SLC39A13: variants seen among roughly 807,000 people sequenced by gnomAD.
SLC39A13 encodes zinc transporter ZIP13.
Under a neutral mutation model 38.7 loss-of-function variants are expected in SLC39A13, and 18 were observed. The observed-to-expected ratio is 0.47, with a 90% CI of 0.32 to 0.69. SLC39A13 has a LOEUF of 0.69. SLC39A13 is among the 30% of genes least tolerant of loss of function. SLC39A13 has a pLI of 0.03. For synonymous variants in SLC39A13, 212 were observed against 219.1 expected (o/e 0.97, Z 0.29); for missense variants, 395 against 490.7 (o/e 0.80, Z 1.84).
chr11:47,414,348 C>G, intron 6 of SLC39A13, 77 bp from the exon 7 acceptor site: 1 of 1,512,774 alleles, frequency 6.6e-7, no homozygotes, highest in Non-Finnish European at 9.0e-7. Context: ...GCAGAGTAAA[C>G]CTCTGTGGAA....
In SLC39A13 at chr11:47,411,919, C is replaced by T; in HGVS notation, c.302-7C>T. On this transcript the variant is annotated splice_polypyrimidine_tract_variant and splice_region_variant and intron_variant, in intron 2 of 9. Coordinates refer to ENST00000362021, the MANE Select transcript of SLC39A13 (RefSeq NM_001128225.3). ...CAGCCCCCAGACCCCGCATCTCTCC[C>T]TTGTAGCTGGGGCCTGGCGCCTGAA... The T allele has an allele frequency of 6.2e-7, 1 of 1,611,894 alleles. No homozygotes were observed. Among genetic ancestry groups the T allele is most frequent in the Non-Finnish European group, 8.5e-7 (1 of 1,179,148 alleles).
At chr11:47,412,194 C>A (rs1196324619) in intron 3 of SLC39A13, 152 bp from the exon 4 acceptor site, 4 of 1,299,542 alleles carry the variant, frequency 3.1e-6, no homozygotes, top group Non-Finnish European at 4.3e-6. Flanking sequence ...GGTCTCTGGG[C>A]CCTGGTCCCA....
In SLC39A13 at chr11:47,410,233, C is replaced by G. The variant is rs766701277; in HGVS notation, c.139C>G (p.Arg47Gly). 27 of 1,613,976 alleles carry G rather than the reference C, an allele frequency of 1.7e-5. No homozygotes were observed. Among genetic ancestry groups the G allele is most frequent in the Non-Finnish European group, 2.2e-5 (26 of 1,180,034 alleles). ...LRSRGTATAC[R>G]LDNKESESWG... ...GAGCCGGGGGACTGCGACGGCCTGT[C>G]GCCTGGACAACAAGGAAAGCGAGTC... Residue 47 changes from arginine (R) to glycine (G), a missense_variant, in exon 2 of 10, where the codon CGC becomes GGC. By Grantham distance (125) the Arg-to-Gly change is moderately radical (BLOSUM62 -2). Transcript: ENST00000362021.
chr11:47,413,101 A>G (rs890431949), intron 4 of SLC39A13, among the ~76,000 whole-genome samples: 1 of 151,872 alleles, frequency 6.6e-6, no homozygotes, highest in Non-Finnish European at 1.5e-5. Context: ...GGCTCACTAC[A>G]GCTTTCACCT....
chr11:47,407,530 C>T (rs961740940), upstream of SLC39A13: 2 of 152,196 alleles, frequency 1.3e-5, no homozygotes, highest in African/African-American at 4.8e-5. Context: ...CTATCTCTGC[C>T]CAAGTGAGTA....
intron 2 of SLC39A13, among the ~76,000 whole-genome samples, chr11:47,411,063 T>C (rs887831532): frequency 2.0e-5 from 3 of 152,206 alleles, no homozygotes; most frequent in Non-Finnish European, 2.9e-5. Flanking sequence ...AGAGGTTCTT[T>C]GACCAGTCCA....
Position 47,415,054 on chromosome 11 carries a change from C to T in SLC39A13, c.935C>T (p.Ala312Val). 1 of 1,613,536 alleles carries T rather than the reference C, an allele frequency of 6.2e-7. No individual in the cohort carries two copies. Among genetic ancestry groups the T allele is most frequent in the Non-Finnish European group, 8.5e-7 (1 of 1,179,762 alleles). Residue 312 changes from alanine (A) to valine (V), a missense_variant, in exon 9 of 10, where the codon GCT becomes GTT. By Grantham distance (64) the Ala-to-Val change is moderately conservative. Transcript: ENST00000362021. ...GGGTACCCAGTTGGGTGTTCTCCCG[C>T]TGCAGAGGAGACGGCAGCCTGGGTC... ...SPKGVVGCSPAAEETAAWVLP... is the reference protein window; with the variant it reads ...SPKGVVGCSPVAEETAAWVLP...
chr11:47,415,517 T>A lies in SLC39A13; in HGVS notation c.*154T>A. 1.2e-6 allele frequency: 1 copy of A among 836,812 alleles called. No homozygotes were observed. The highest frequency in any genetic ancestry group is 2.0e-6 in the Non-Finnish European group (1 of 505,866). The allele number at this position is 836,812 out of a possible 1,614,324, so 51.8% of individuals were successfully genotyped here. ...GGGAGGTGCGTGTGGATGTATGTGG[T>A]GTGCACATGTGGCCAGAGGTGTGTG... On this transcript the variant is annotated 3_prime_UTR_variant, in exon 10 of 10. Coordinates refer to ENST00000362021, the MANE Select transcript of SLC39A13 (RefSeq NM_001128225.3).
rs201203848 is a variant in SLC39A13, at chr11:47,414,506, C to T, written c.786+31C>T. The T allele has an allele frequency of 2.5e-4, 407 of 1,607,964 alleles. 1 individual carries two copies. The highest frequency in any genetic ancestry group is 2.6e-4 in the Non-Finnish European group (306 of 1,177,010). ...CGCTTGTAGGGCAGCCCCCAGGGGCCCAGGCCCCCACAGTGCCCATGATCA... is the reference window on the plus strand; with the variant it reads ...CGCTTGTAGGGCAGCCCCCAGGGGCTCAGGCCCCCACAGTGCCCATGATCA... On this transcript the variant is annotated intron_variant, in intron 7 of 9. Coordinates refer to ENST00000362021, the MANE Select transcript of SLC39A13 (RefSeq NM_001128225.3).
Position 47,415,444 on chromosome 11 carries a change from G to T in SLC39A13, c.*81G>T. 6.6e-7 allele frequency: 1 copy of T among 1,508,092 alleles called. No homozygotes were observed. 93.4% of individuals were successfully genotyped at this position (1,508,092 alleles called of 1,614,324 possible). On this transcript the variant is annotated 3_prime_UTR_variant, in exon 10 of 10. Coordinates refer to ENST00000362021, the MANE Select transcript of SLC39A13 (RefSeq NM_001128225.3). ...TCTGTGACCGCATATGTGAGAGGCA[G>T]AGAGGGCGAGTGGCTGCGAGAGAGA...
Position 47,415,021 on chromosome 11 carries a change from A to G in SLC39A13, c.920-18A>G. 6.2e-7 allele frequency: 1 copy of G among 1,612,962 alleles called. No homozygotes were observed. The highest frequency in any genetic ancestry group is 2.2e-5 in the East Asian group (1 of 44,846). On this transcript the variant is annotated intron_variant, in intron 8 of 9. Transcript: ENST00000362021. ...GGCCCGGGAGGTGGGGAGCACACAC[A>G]GTGCCTTGGGTACCCAGTTGGGTGT...
Position 47,415,874 on chromosome 11 carries a change from C to T in SLC39A13, c.*511C>T. On this transcript the variant is annotated 3_prime_UTR_variant, in exon 10 of 10. Transcript: ENST00000362021. ...GGCCCTTCCTTCCCCACTTCTAAGC[C>T]AAAGAAAGGAGAGGCAGGTGCTCCT... 1 of 228,162 alleles carries T rather than the reference C, an allele frequency of 4.4e-6. No homozygotes were observed. Among genetic ancestry groups the T allele is most frequent in the Non-Finnish European group, 8.8e-6 (1 of 113,142 alleles). 14.1% of individuals were successfully genotyped at this position (228,162 alleles called of 1,614,324 possible).
At chr11:47,414,131 T>C in intron 6 of SLC39A13, 1 of 607,102 alleles carries the variant, frequency 1.6e-6, no homozygotes, top group South Asian at 2.0e-5. Flanking sequence ...ACCAGGCCTT[T>C]GCTGACCTCC....
rs930580978 is a variant in SLC39A13 at position 47,414,721 on chromosome 11, A to C, written c.787-56A>C. 14 of 1,599,178 alleles carry C rather than the reference A, an allele frequency of 8.8e-6. No homozygotes were observed. The Admixed American group carries it at 2.3e-4, about 27-fold the overall frequency. On this transcript the variant is annotated intron_variant, in intron 7 of 9. Coordinates refer to ENST00000362021, the MANE Select transcript of SLC39A13 (RefSeq NM_001128225.3). The stretch of plus-strand genomic sequence containing the variant: ...CTCAGTGTGTATATCGTACCTGAGC[A>C]CTCAGGGCATCAGGCCCCGCTGGGG...
chr11:47,408,128 G>A (rs1595874197), upstream of SLC39A13, among the ~76,000 whole-genome samples: 1 of 152,342 alleles, frequency 6.6e-6, no homozygotes, highest in East Asian at 1.9e-4. Flanking sequence ...CCTTGCTCAT[G>A]GAGGAGCCAG....
Position 47,415,061 on chromosome 11 carries a change from G to A in SLC39A13, c.942G>A (p.Glu314=), listed in dbSNP as rs771166328. The A allele has an allele frequency of 1.9e-6, 3 of 1,613,560 alleles. No individual in the cohort carries two copies. The highest frequency in any genetic ancestry group is 3.3e-5 in the Admixed American group (2 of 59,938). ...CAGTTGGGTGTTCTCCCGCTGCAGA[G>A]GAGACGGCAGCCTGGGTCCTGCCCT... is the stretch of plus-strand genomic sequence containing the variant. The part of the protein sequence containing the change: ...KGVVGCSPAA[E]ETAAWVLPFT... The change falls in exon 9 of 10, where the codon GAG becomes GAA. Residue 314 remains glutamate, a synonymous_variant. Transcript: ENST00000362021.
chr11:47,411,733 C>T (rs1565662468), intron 2 of SLC39A13, among the ~76,000 whole-genome samples, 193 bp from the exon 3 acceptor site: 1 of 152,266 alleles, frequency 6.6e-6, no homozygotes, highest in Non-Finnish European at 1.5e-5. Context: ...AGCTCTTCAC[C>T]ATGACATGGT....
In SLC39A13 at chr11:47,414,917, CGTGGCGGGTGGTT is replaced by C. The variant is rs1565668258; in HGVS notation, c.919+20_919+32del. 6.8e-6 allele frequency: 11 copies of C among 1,611,080 alleles called. No homozygotes were observed. Among genetic ancestry groups the C allele is most frequent in the East Asian group, 2.2e-5 (1 of 44,864 alleles). The stretch of plus-strand genomic sequence containing the variant: ...AGTCCCCCAAGGGAGTAGGTACGGG[CGTGGCGGGTGGTT>C]GTGGCGGGTGGCATCAGCAGAGGGG... On this transcript the variant is annotated intron_variant, in intron 8 of 9. Transcript: ENST00000362021.
rs746634615 is a variant in SLC39A13, at chr11:47,414,490, G to A, written c.786+15G>A. On this transcript the variant is annotated intron_variant, in intron 7 of 9. Transcript: ENST00000362021. ...TCCCCCATGAGGTGAGCGCTTGTAG[G>A]GCAGCCCCCAGGGGCCCAGGCCCCC... is the stretch of plus-strand genomic sequence containing the variant. 2 of 1,611,494 alleles carry A rather than the reference G, an allele frequency of 1.2e-6. No homozygotes were observed. The highest frequency in any genetic ancestry group is 1.7e-6 in the Non-Finnish European group (2 of 1,179,062).
Sources: allele counts gnomAD v4.1 joint callset (sites outside exome capture counted in the v4.1 genomes callset), GRCh38; gene constraint gnomAD v4.1.1; transcripts MANE v1.5; gene names NCBI Gene and HGNC (gene_info 2026-07-23, HGNC 2026-07-21).